The following CAMTA1 variants were observed in gnomAD, a reference collection of about 807,000 sequenced individuals.
CAMTA1 encodes calmodulin-binding transcription activator 1.
In CAMTA1, 27 loss-of-function variants were observed where a neutral mutation model predicts 170.9. The observed-to-expected ratio is 0.16, with a 90% CI of 0.12 to 0.22. The LOEUF (loss-of-function observed/expected upper bound fraction) is 0.22. Among genes scored for constraint, CAMTA1 ranks in the 10% least tolerant of loss-of-function variants. CAMTA1 has a pLI of 1.00. For synonymous variants in CAMTA1, 833 were observed against 891.5 expected, an observed-to-expected ratio of 0.93 and a Z score of 1.17; for missense variants, 1,619 against 2,217.2, an observed-to-expected ratio of 0.73 and a Z score of 5.42.
chr1:7,042,351 C>T (rs1485657735), intron 3 of CAMTA1, among the ~76,000 whole-genome samples: 1 of 152,218 alleles, frequency 6.6e-6, no homozygotes, highest in Non-Finnish European at 1.5e-5. Context: ...GTTTCTTCCT[C>T]TTGTTCCTGG....
chr1:6,954,146 G>GCCAT (rs1444868695), intron 3 of CAMTA1, among the ~76,000 whole-genome samples: 5 of 152,206 alleles, frequency 3.3e-5, no homozygotes, highest in African/African-American at 1.2e-4. Context: ...CAGCCAGCCA[G>GCCAT]CCAGCCAGCT....
At chr1:7,103,739 T>C (rs1408020125) in intron 4 of CAMTA1, among the ~76,000 whole-genome samples, 3 of 146,686 alleles carry the variant, frequency 2.0e-5, no homozygotes, top group East Asian at 4.2e-4. Context: ...ACCACACATG[T>C]ACACACAATA....
At chr1:7,675,001 A>T (rs1029273229) in intron 10 of CAMTA1, among the ~76,000 whole-genome samples, 2 of 152,156 alleles carry the variant, frequency 1.3e-5, no homozygotes, top group African/African-American at 4.8e-5. Flanking sequence ...AACCAAGATA[A>T]CTGGTGAAAA....
chr1:7,637,810 G>A (rs550633335), intron 6 of CAMTA1, among the ~76,000 whole-genome samples: 90 of 152,308 alleles, frequency 5.9e-4, no homozygotes, highest in African/African-American at 1.9e-3. Flanking sequence ...TGCCCAGCCC[G>A]CCTCCTTGGC....
chr1:7,012,074 G>A (rs1315544717), intron 3 of CAMTA1, among the ~76,000 whole-genome samples: 2 of 152,178 alleles, frequency 1.3e-5, no homozygotes, highest in Non-Finnish European at 2.9e-5. Flanking sequence ...CCCAGCCCTT[G>A]CCTTGCCCCT....
intron 11 of CAMTA1, among the ~76,000 whole-genome samples, chr1:7,701,577 C>T (rs911541498): frequency 1.3e-5 from 2 of 151,874 alleles, no homozygotes; most frequent in East Asian, 1.9e-4. Context: ...CACCACACCC[C>T]GCTAATTTTT....
At chr1:7,243,539 G>A (rs1665258424) in intron 4 of CAMTA1, among the ~76,000 whole-genome samples, 1 of 152,212 alleles carries the variant, frequency 6.6e-6, no homozygotes, top group Non-Finnish European at 1.5e-5. Context: ...GATAGTTGTA[G>A]ATACGCAGCA....
intron 3 of CAMTA1, among the ~76,000 whole-genome samples, chr1:6,942,691 A>G (rs929936444): frequency 6.6e-6 from 1 of 152,112 alleles, no homozygotes; most frequent in African/African-American, 2.4e-5. Flanking sequence ...AAAACAAACC[A>G]TGGGCTCTTT....
intron 5 of CAMTA1, among the ~76,000 whole-genome samples, chr1:7,259,374 C>T (rs192273040): frequency 3.9e-4 from 59 of 152,246 alleles, no homozygotes; most frequent in Non-Finnish European, 6.5e-4. Context: ...TTCTTGCTAC[C>T]CTCAGTGTGG....
At chr1:6,800,799 A>G (rs1294697005) in intron 1 of CAMTA1, among the ~76,000 whole-genome samples, 4 of 152,172 alleles carry the variant, frequency 2.6e-5, no homozygotes, top group Non-Finnish European at 4.4e-5. Context: ...TGGGCCTCCT[A>G]TAGGCCTCGC....
At chr1:7,129,919 TTGTGTG>T (rs3058550) in intron 4 of CAMTA1, among the ~76,000 whole-genome samples, 29,847 of 147,024 alleles carry the variant, frequency 0.2, 2,953 homozygotes, top group Admixed American at 0.22. Flanking sequence ...CTACCTTCTT[TTGTGTG>T]TGTGTGTGTG....
In CAMTA1 at chr1:7,635,691, T is replaced by G. The variant is rs1018672283; in HGVS notation, c.511-4709T>G. Among the ~76,000 whole-genome samples the G allele has an allele frequency of 6.6e-5, 10 of 151,734 alleles. No homozygotes were observed. Among genetic ancestry groups the G allele is most frequent in the African/African-American group, 2.2e-4 (9 of 41,340 alleles). ...TCAGATCCAGGCCCAACCCGGGCAT[T>G]CCTGCAGGCCGCCCTGCTGAGCTGG... On this transcript the variant is annotated intron_variant, in intron 6 of 22. Coordinates refer to ENST00000303635, the MANE Select transcript of CAMTA1 (RefSeq NM_015215.4). The surrounding 1 kb of genome is among the most constrained non-coding windows in gnomAD (Gnocchi z 4.4).
At chr1:7,075,712 G>A (rs113243541) in intron 3 of CAMTA1, among the ~76,000 whole-genome samples, 7,075 of 150,246 alleles carry the variant, frequency 0.047, 565 homozygotes, top group African/African-American at 0.16. Flanking sequence ...ATCCAGGCTG[G>A]AGTGCAGTGG....
At chr1:7,359,018 G>C (rs1435502434) in intron 5 of CAMTA1, among the ~76,000 whole-genome samples, 3 of 152,190 alleles carry the variant, frequency 2.0e-5, no homozygotes, top group Non-Finnish European at 4.4e-5. Context: ...TGGGAGGTAG[G>C]AGCCTCCCTT....
chr1:7,317,525 T>C (rs1677707969), intron 5 of CAMTA1, among the ~76,000 whole-genome samples: 1 of 152,256 alleles, frequency 6.6e-6, no homozygotes, highest in East Asian at 1.9e-4. Flanking sequence ...GCTCGTGTTG[T>C]TATCTAAGCA....
chr1:7,464,732 T>G (rs546525836), intron 5 of CAMTA1, among the ~76,000 whole-genome samples: 211 of 152,258 alleles, frequency 1.4e-3, no homozygotes, highest in African/African-American at 4.7e-3. Flanking sequence ...CAATCACTGA[T>G]GAGGGTGCAC....
chr1:7,521,262 C>A (rs10864306), intron 6 of CAMTA1, among the ~76,000 whole-genome samples: 8,553 of 152,188 alleles, frequency 0.056, 670 homozygotes, highest in African/African-American at 0.18. Flanking sequence ...ATCAGCGCCC[C>A]CATTTTTAAT....
chr1:7,449,769 C>CAAAAAAAAAA (rs59913060), intron 5 of CAMTA1, among the ~76,000 whole-genome samples: 1 of 79,582 alleles, frequency 1.3e-5, no homozygotes, highest in African/African-American at 4.5e-5. Flanking sequence ...GACTCGGTCT[C>CAAAAAAAAAA]AAAAAAAAAA....
intron 5 of CAMTA1, among the ~76,000 whole-genome samples, chr1:7,454,120 C>T (rs1324839764): frequency 6.6e-6 from 1 of 152,218 alleles, no homozygotes; most frequent in Non-Finnish European, 1.5e-5. Flanking sequence ...TCTGTTTGCA[C>T]TTGGGCAGGG....
Sources: allele counts gnomAD v4.1 joint callset (sites outside exome capture counted in the v4.1 genomes callset), GRCh38; gene constraint gnomAD v4.1.1; non-coding constraint Gnocchi (gnomAD v3.1); transcripts MANE v1.5; gene names NCBI Gene and HGNC (gene_info 2026-07-23, HGNC 2026-07-21).